SYCP2L: variants seen among roughly 807,000 people sequenced by gnomAD.
SYCP2L encodes synaptonemal complex protein 2-like.
In SYCP2L, 98 loss-of-function variants were observed where a neutral mutation model predicts 125.8. The observed-to-expected ratio is 0.78, with a 90% CI of 0.66 to 0.92. The LOEUF is 0.92. SYCP2L is among the 40% of genes least tolerant of loss of function. SYCP2L has a pLI of 0.00. For missense variants in SYCP2L, 842 were observed against 936.4 expected (o/e 0.90, Z 1.32); for synonymous variants, 317 against 325.4 (o/e 0.97, Z 0.28).
chr6:10,892,124 G>A (rs537352342), intron 2 of SYCP2L, among the ~76,000 whole-genome samples: 2 of 152,290 alleles, frequency 1.3e-5, no homozygotes, highest in African/African-American at 4.8e-5. Context: ...GAAAGTGGTG[G>A]GGTGAAGTAG....
At chr6:10,920,358 C>T (rs1780773534) in intron 14 of SYCP2L, among the ~76,000 whole-genome samples, 1 of 152,162 alleles carries the variant, frequency 6.6e-6, no homozygotes, top group African/African-American at 2.4e-5. Context: ...GCTGGGATTA[C>T]AGGCCTATAC....
chr6:10,888,931 G>A (rs1396969616), intron 1 of SYCP2L, among the ~76,000 whole-genome samples: 5 of 151,946 alleles, frequency 3.3e-5, no homozygotes, highest in African/African-American at 7.3e-5. Context: ...GCTGGATCTC[G>A]GCTCACTGCA....
At chr6:10,894,236 T>C in intron 4 of SYCP2L, 32 bp downstream of exon 4, 1 of 1,605,798 alleles carries the variant, frequency 6.2e-7, no homozygotes, top group Non-Finnish European at 8.5e-7. Flanking sequence ...TATATGGCTT[T>C]GGGTAACTTA....
intron 19 of SYCP2L, 38 bp downstream of exon 19, chr6:10,930,552 A>G (rs1405369964): frequency 2.5e-6 from 4 of 1,583,674 alleles, no homozygotes; most frequent in South Asian, 1.2e-5. Flanking sequence ...CACTTTTCAA[A>G]TAGTGATTTT....
At chr6:10,941,533 C>A (rs538189430) in intron 21 of SYCP2L, among the ~76,000 whole-genome samples, 23 of 152,094 alleles carry the variant, frequency 1.5e-4, no homozygotes, top group Admixed American at 5.9e-4. Flanking sequence ...ATGCAGCCAA[C>A]AGACACATGA....
intron 8 of SYCP2L, among the ~76,000 whole-genome samples, chr6:10,903,433 A>G (rs1476311642): frequency 1.3e-5 from 2 of 152,182 alleles, no homozygotes; most frequent in Non-Finnish European, 1.5e-5. Context: ...CTGTAGTCCC[A>G]GCTACTCAGG....
intron 23 of SYCP2L, among the ~76,000 whole-genome samples, chr6:10,950,514 CA>C (rs146996092): frequency 0.024 from 3,624 of 152,208 alleles, 148 homozygotes; most frequent in East Asian, 0.2. Context: ...TGAATTACTT[CA>C]AAAAATATTT....
At chr6:10,919,758 G>A (rs369943569) in intron 14 of SYCP2L, among the ~76,000 whole-genome samples, 3 of 152,226 alleles carry the variant, frequency 2.0e-5, no homozygotes, top group East Asian at 3.9e-4. Flanking sequence ...TGTGGCTGCT[G>A]TGGGGATATG....
At chr6:10,946,935 CT>C (rs1276576841) in intron 23 of SYCP2L, among the ~76,000 whole-genome samples, 3 of 151,792 alleles carry the variant, frequency 2.0e-5, no homozygotes, top group Admixed American at 1.3e-4. Flanking sequence ...TCAAATATTG[CT>C]TTTGGCTCAT....
chr6:10,959,907 A>G (rs892842316), intron 26 of SYCP2L, among the ~76,000 whole-genome samples: 2 of 151,818 alleles, frequency 1.3e-5, no homozygotes, highest in South Asian at 2.1e-4. Context: ...AGAAAACACC[A>G]TACACACACA....
intron 21 of SYCP2L, among the ~76,000 whole-genome samples, chr6:10,937,914 A>G (rs1781130653): frequency 6.6e-6 from 1 of 152,214 alleles, no homozygotes; most frequent in African/African-American, 2.4e-5. Context: ...AGATCAAATC[A>G]GTAATCAAAC....
intron 14 of SYCP2L, among the ~76,000 whole-genome samples, chr6:10,919,803 A>T (rs1354201672): frequency 6.6e-6 from 1 of 151,992 alleles, no homozygotes; most frequent in Non-Finnish European, 1.5e-5. Context: ...TTATGTTCCT[A>T]GGAGGATTAT....
chr6:10,930,571 A>G (rs1046021168), intron 19 of SYCP2L, 57 bp downstream of exon 19: 16 of 1,544,862 alleles, frequency 1.0e-5, no homozygotes, highest in East Asian at 2.3e-5. Flanking sequence ...TTCAAATCAG[A>G]TATTTATTTT....
At chr6:10,967,454 G>GGGGTCTGTGTGT (rs56098075) in intron 29 of SYCP2L, among the ~76,000 whole-genome samples, 1 of 138,838 alleles carries the variant, frequency 7.2e-6, no homozygotes, top group African/African-American at 2.7e-5. Flanking sequence ...TGGGGTAGAG[G>GGGGTCTGTGTGT]GTGTGTGTGT....
intron 28 of SYCP2L, among the ~76,000 whole-genome samples, 190 bp from the exon 29 acceptor site, chr6:10,963,588 CAGAG>C (rs756845528): frequency 8.5e-5 from 13 of 152,148 alleles, no homozygotes; most frequent in Admixed American, 2.0e-4. Flanking sequence ...GTGGTACTGA[CAGAG>C]AGAATGCATA....
chr6:10,895,722 A>G (rs1353639223), intron 4 of SYCP2L, among the ~76,000 whole-genome samples: 2 of 152,260 alleles, frequency 1.3e-5, no homozygotes, highest in Non-Finnish European at 2.9e-5. Context: ...TCCCAACCTC[A>G]GATGATTCCC....
In SYCP2L at chr6:10,895,392, T is replaced by C. The variant is rs532632494; in HGVS notation, c.336+1188T>C. Among the ~76,000 whole-genome samples, 89 of 152,312 alleles carry C rather than the reference T, an allele frequency of 5.8e-4. No homozygotes were observed. In the South Asian group the frequency reaches 0.018, roughly 31 times the overall value. ...TCCTGCCCCTGTACCCTTTCCCCAT[T>C]GGCCGGGGTCGGGTCGTACAATCTA... On this transcript the variant is annotated intron_variant, in intron 4 of 29. Coordinates refer to ENST00000283141, the MANE Select transcript of SYCP2L (RefSeq NM_001040274.3).
In SYCP2L at chr6:10,942,747, G is replaced by T. The variant is rs763108719; in HGVS notation, c.1954+1G>T. On this transcript the variant is annotated splice_donor_variant, in intron 23 of 29. Coordinates refer to ENST00000283141, the MANE Select transcript of SYCP2L (RefSeq NM_001040274.3). LOFTEE classifies it high-confidence loss of function. ...AAGCTGAGAAACTTGGAAGACAAAG[G>T]TAAGAGAATAGTACTTTTTTTTTTT... 1 of 1,595,898 alleles carries T rather than the reference G, an allele frequency of 6.3e-7. No homozygotes were observed. Among genetic ancestry groups the T allele is most frequent in the Non-Finnish European group, 8.5e-7 (1 of 1,172,632 alleles).
At chr6:10,953,297 ACTG>A (rs1170964325) in intron 23 of SYCP2L, among the ~76,000 whole-genome samples, 6 of 152,280 alleles carry the variant, frequency 3.9e-5, no homozygotes, top group African/African-American at 9.6e-5. Context: ...AAATATATTA[ACTG>A]CTATTTGTCT....
Sources: gnomAD v4.1 joint callset for allele counts (sites outside exome capture counted in the v4.1 genomes callset) on GRCh38, gnomAD v4.1.1 for gene constraint, MANE v1.5 for transcripts, NCBI Gene and HGNC (gene_info 2026-07-23, HGNC 2026-07-21) for gene names.